The following TENM1 variants were observed in gnomAD, a reference collection of about 807,000 sequenced individuals.
TENM1 encodes the protein teneurin-1.
TENM1 carries 35 observed loss-of-function variants against 174.8 expected under a neutral mutation model. The observed-to-expected ratio is 0.20, with a 90% CI of 0.15 to 0.27. TENM1 has a LOEUF of 0.27. Ranked by LOEUF, TENM1 falls within the 10% of genes least tolerant of loss-of-function variation. The pLI, the probability that TENM1 is intolerant of heterozygous loss-of-function variation, is 1.00. For synonymous variants in TENM1, 781 were observed against 798.7 expected (o/e 0.98, Z 0.37); for missense variants, 1,633 against 2,130.1 (o/e 0.77, Z 4.59).
At chrX:124,642,432 T>C (rs907136255) in intron 10 of TENM1, among the ~76,000 whole-genome samples, 2 of 112,712 alleles carry the variant, frequency 1.8e-5, no homozygotes, top group Non-Finnish European at 3.7e-5. Flanking sequence ...GAGGAGTTTA[T>C]ATAAATTTTT....
the TENM1 span, among the ~76,000 whole-genome samples, chrX:125,010,136 T>C: frequency 7.2e-5 from 8 of 111,515 alleles, no homozygotes; most frequent in Non-Finnish European, 1.5e-4. Flanking sequence ...CCCCATCATC[T>C]CAGCTTCAAA....
chrX:125,064,683 T>G, the TENM1 span, among the ~76,000 whole-genome samples: 1 of 111,047 alleles, frequency 9.0e-6, no homozygotes, highest in Non-Finnish European at 1.9e-5. Context: ...TTTTTTTTTC[T>G]GCAAGCTCCG....
intron 14 of TENM1, among the ~76,000 whole-genome samples, chrX:124,551,513 T>C (rs1216531589): frequency 1.0e-5 from 1 of 98,610 alleles, no homozygotes; most frequent in African/African-American, 3.7e-5. Flanking sequence ...TTAAGTGTTC[T>C]TAACACACAC....
chrX:125,105,333 T>C, the TENM1 span, among the ~76,000 whole-genome samples: 12 of 111,211 alleles, frequency 1.1e-4, no homozygotes, highest in Admixed American at 1.2e-3. Flanking sequence ...CAGATTTCTA[T>C]CTAGCTCACT....
At chrX:124,757,851 A>G (rs769004239) in intron 3 of TENM1, among the ~76,000 whole-genome samples, 10 of 112,335 alleles carry the variant, frequency 8.9e-5, no homozygotes, top group Non-Finnish European at 1.3e-4. Context: ...ATACTAATAC[A>G]CTCAATTTGT....
chrX:124,463,210 T>C (rs1309058218), intron 22 of TENM1, among the ~76,000 whole-genome samples: 3 of 111,772 alleles, frequency 2.7e-5, no homozygotes, highest in Non-Finnish European at 5.6e-5. Flanking sequence ...TTCAGGCTGA[T>C]TTTTCTTACA....
chrX:124,937,937 T>C (rs1038719041), intron 1 of TENM1, among the ~76,000 whole-genome samples: 2 of 112,003 alleles, frequency 1.8e-5, no homozygotes, highest in South Asian at 3.7e-4. Context: ...CTTGACATCA[T>C]ATTGCTTGCG....
chrX:125,019,638 C>T, the TENM1 span, among the ~76,000 whole-genome samples: 2 of 110,460 alleles, frequency 1.8e-5, no homozygotes, highest in African/African-American at 6.6e-5. Context: ...TAAAATGAGC[C>T]ATTTGGATAT....
At chrX:124,813,422 T>C (rs2055827443) in intron 3 of TENM1, among the ~76,000 whole-genome samples, 1 of 111,498 alleles carries the variant, frequency 9.0e-6, no homozygotes, top group African/African-American at 3.3e-5. Context: ...TTTATCAAAA[T>C]AAAAAATGCA....
At chrX:124,803,940 C>G (rs753083504) in intron 3 of TENM1, among the ~76,000 whole-genome samples, 37 of 112,080 alleles carry the variant, frequency 3.3e-4, no homozygotes, top group African/African-American at 1.1e-3. Context: ...ATAGTACATG[C>G]CTTGTAGGAA....
intron 25 of TENM1, 57 bp downstream of exon 28, chrX:124,420,254 A>G: frequency 9.0e-7 from 1 of 1,111,102 alleles, no homozygotes; most frequent in Middle Eastern, 3.2e-4. Flanking sequence ...TTTTCCCAGT[A>G]TAATACAATT....
intron 8 of TENM1, among the ~76,000 whole-genome samples, chrX:124,649,213 G>C (rs1037775196): frequency 1.4e-4 from 16 of 112,576 alleles, no homozygotes; most frequent in African/African-American, 5.2e-4. Context: ...TAATTTTGAA[G>C]TTCTATGTTT....
At chrX:124,452,356 C>A (rs746833066) in intron 23 of TENM1, among the ~76,000 whole-genome samples, 4 of 111,909 alleles carry the variant, frequency 3.6e-5, no homozygotes, top group East Asian at 2.8e-4. Context: ...GCGATCATTA[C>A]AAAGTCAGGA....
At chrX:125,196,669 G>T in the TENM1 span, among the ~76,000 whole-genome samples, 1 of 112,036 alleles carries the variant, frequency 8.9e-6, no homozygotes, top group East Asian at 2.8e-4. Flanking sequence ...CCACTGTGTA[G>T]TTATAGTGTA....
At chrX:124,531,175 C>G (rs1428105368) in intron 15 of TENM1, among the ~76,000 whole-genome samples, 1 of 96,682 alleles carries the variant, frequency 1.0e-5, no homozygotes, top group Non-Finnish European at 2.0e-5. Context: ...TCTGGGTATC[C>G]AGGGCAGCTC....
At chrX:124,928,198 G>T (rs1291588388) in intron 1 of TENM1, among the ~76,000 whole-genome samples, 1 of 111,534 alleles carries the variant, frequency 9.0e-6, no homozygotes, top group Non-Finnish European at 1.9e-5. Context: ...TTTTTATTTG[G>T]GATGGCACTT....
chrX:124,684,546 T>C lies in TENM1; in HGVS notation c.1016-12711A>G, dbSNP rs747796051. Reference sequence around the variant, plus strand: ...GACCAAGCTTACAGGCCTACCCTAGTGATAGGCAAGGCCTCAAGGCCTGAG... The same window carrying C: ...GACCAAGCTTACAGGCCTACCCTAGCGATAGGCAAGGCCTCAAGGCCTGAG... On this transcript the variant is annotated intron_variant, in intron 5 of 31. Transcript: ENST00000422452. 2.6e-4 allele frequency among the ~76,000 whole-genome samples: 29 copies of C among 111,663 alleles called. 1 individual carries two copies. Among genetic ancestry groups the C allele is most frequent in the Admixed American group, 2.4e-3 (26 of 10,663 alleles).
chrX:125,164,526 G>T, the TENM1 span, among the ~76,000 whole-genome samples: 1 of 111,879 alleles, frequency 8.9e-6, no homozygotes, highest in Non-Finnish European at 1.9e-5. Flanking sequence ...CTCTGAATTT[G>T]TATTGCACTT....
chrX:124,514,727 A>G lies in TENM1; in HGVS notation c.3301+5790T>C, dbSNP rs1602576673. ...CAACCAACCAACCAACAAACAAACAAAAACCCCAGGACCAGGTGGATTCAC... is the reference window on the plus strand; with the variant it reads ...CAACCAACCAACCAACAAACAAACAGAAACCCCAGGACCAGGTGGATTCAC... On this transcript the variant is annotated intron_variant, in intron 18 of 31. Coordinates refer to ENST00000422452, the Ensembl canonical transcript of TENM1. 8.1e-5 allele frequency among the ~76,000 whole-genome samples: 9 copies of G among 110,782 alleles called. 3 individuals carry two copies. In the Admixed American group the frequency reaches 8.6e-4, roughly 11 times the overall value.
Sources: allele counts gnomAD v4.1 joint callset (sites outside exome capture counted in the v4.1 genomes callset), GRCh38; gene constraint gnomAD v4.1.1; transcripts MANE v1.5; gene names NCBI Gene and HGNC (gene_info 2026-07-23, HGNC 2026-07-21).